The following SMPD3 variants were observed in gnomAD, a reference collection of about 807,000 sequenced individuals.
The protein encoded by SMPD3 is sphingomyelin phosphodiesterase 3, also known as nSMase-2.
In SMPD3, 21 loss-of-function variants were observed where a neutral mutation model predicts 55.7. That is an observed-to-expected ratio of 0.38 (90% CI 0.27 to 0.54). The LOEUF (loss-of-function observed/expected upper bound fraction) is 0.54. Among genes scored for constraint, SMPD3 ranks in the 20% least tolerant of loss-of-function variants. The pLI is 0.80. For missense variants in SMPD3, 842 were observed against 899.6 expected, an observed-to-expected ratio of 0.94 and a Z score of 0.82; for synonymous variants, 457 against 404.3, an observed-to-expected ratio of 1.13 and a Z score of -1.56.
chr16:68,361,822 T>C (rs2089286000), intron 7 of SMPD3, 63 bp from the exon 8 acceptor site: 2 of 1,542,036 alleles, frequency 1.3e-6, no homozygotes, highest in African/African-American at 2.7e-5. Flanking sequence ...TGGCAGGGGC[T>C]GTGTGTGGAG....
intron 3 of SMPD3, among the ~76,000 whole-genome samples, chr16:68,365,551 C>T (rs1597591101): frequency 6.6e-6 from 1 of 152,122 alleles, no homozygotes; most frequent in East Asian, 1.9e-4. Context: ...ATGGCGTGGC[C>T]TCAGAGCCCA....
intron 2 of SMPD3, chr16:68,382,194 G>A (rs1420899039): frequency 1.3e-5 from 2 of 152,278 alleles, no homozygotes; most frequent in South Asian, 2.1e-4. Context: ...TAAATCCACC[G>A]GAAACCTCTG....
Position 68,371,144 on chromosome 16 carries a change from G to A in SMPD3, c.1038C>T (p.Asp346=), listed in dbSNP as rs200934255. 2.9e-5 allele frequency: 46 copies of A among 1,613,740 alleles called. No individual in the cohort carries two copies. Among genetic ancestry groups the A allele is most frequent in the Non-Finnish European group, 3.7e-5 (44 of 1,180,032 alleles). The part of the protein sequence containing the change: ...RRRRHPDEAF[D]HEVSAFFPAN... Reference sequence around the variant, plus strand: ...CGGGGAAGAAGGCGGAGACCTCATGGTCGAAGGCCTCGTCGGGGTGCCGCC... The same window carrying A: ...CGGGGAAGAAGGCGGAGACCTCATGATCGAAGGCCTCGTCGGGGTGCCGCC... The change falls in exon 3 of 9, where the codon GAC becomes GAT. Residue 346 remains aspartate (D), a synonymous_variant. Coordinates refer to ENST00000219334, the MANE Select transcript of SMPD3 (RefSeq NM_018667.4).
At chr16:68,439,446 G>A (rs1022861325) in intron 1 of SMPD3, among the ~76,000 whole-genome samples, 4 of 152,218 alleles carry the variant, frequency 2.6e-5, no homozygotes, top group Non-Finnish European at 4.4e-5. Context: ...GTAGGAAAAT[G>A]TGCATATTAA....
chr16:68,371,486 G>A lies in SMPD3; in HGVS notation c.696C>T (p.Asp232=). The A allele has an allele frequency of 3.1e-6, 5 of 1,598,898 alleles. No individual in the cohort carries two copies. Among genetic ancestry groups the A allele is most frequent in the Non-Finnish European group, 4.2e-6 (5 of 1,179,564 alleles). ...DEAANGPASG[D]PVDSSSPEDA... ...CCTCCGGGCTGCTGCTGTCGACAGG[G>A]TCCCCAGAGGCTGGGCCGTTGGCAG... Residue 232 remains aspartate (D), a synonymous_variant, in exon 3 of 9, where the codon GAC becomes GAT. Transcript: ENST00000219334.
At chr16:68,424,885 T>C (rs1296165356) in intron 1 of SMPD3, among the ~76,000 whole-genome samples, 2 of 152,210 alleles carry the variant, frequency 1.3e-5, no homozygotes, top group African/African-American at 4.8e-5. Context: ...TAATTTTTTG[T>C]ATTTTTGGTA....
intron 1 of SMPD3, among the ~76,000 whole-genome samples, chr16:68,405,545 C>CAA (rs67518521): frequency 1.8e-3 from 128 of 72,882 alleles, no homozygotes; most frequent in African/African-American, 3.7e-3. Flanking sequence ...GACCCTGTCT[C>CAA]AAAAAAAAAA....
chr16:68,372,509 G>C (rs903221769), intron 2 of SMPD3, 122 bp from the exon 3 acceptor site: 1 of 418,194 alleles, frequency 2.4e-6, no homozygotes, highest in Non-Finnish European at 4.4e-6. Flanking sequence ...ACAGTTCTGA[G>C]AACCAGGCTG....
At chr16:68,387,731 T>C (rs1181154528) in intron 1 of SMPD3, among the ~76,000 whole-genome samples, 1 of 152,206 alleles carries the variant, frequency 6.6e-6, no homozygotes, top group African/African-American at 2.4e-5. Flanking sequence ...CCCAAAGCCC[T>C]CTTACCACCC....
Position 68,404,211 on chromosome 16 carries a change from T to A in SMPD3, c.-268-17552A>T, listed in dbSNP as rs2090234772. ...TTTTTTTTTTTTTTTTGAGATGGAG[T>A]TTCGCTCTTGTTGCCCAGGCTGGAC... On this transcript the variant is annotated intron_variant, in intron 1 of 8. Transcript: ENST00000219334. This position sits in a 1 kb window ranked among gnomAD's most constrained non-coding sequence, Gnocchi z 4.0. Among the ~76,000 whole-genome samples the A allele has an allele frequency of 6.8e-6, 1 of 146,632 alleles. No individual in the cohort carries two copies. Among genetic ancestry groups the A allele is most frequent in the African/African-American group, 2.5e-5 (1 of 39,556 alleles).
At chr16:68,401,474 G>A (rs1182762112) in intron 1 of SMPD3, among the ~76,000 whole-genome samples, 1 of 152,060 alleles carries the variant, frequency 6.6e-6, no homozygotes, top group Admixed American at 6.5e-5. Flanking sequence ...GGCAGCAGGG[G>A]CTGGGGCGTA....
At position 68,371,549 on chromosome 16, in the gene SMPD3, C is replaced by T. The variant is rs1197109473; in HGVS notation, c.633G>A (p.Glu211=). Residue 211 remains glutamate (E), a synonymous_variant, in exon 3 of 9, where the codon GAG becomes GAA. Transcript: ENST00000219334. ...PGSIKRTASV[E]YKGDGGRHPG... ...GGTGCCGCCCACCGTCACCCTTGTACTCCACAGAGGCTGTCCTCTTAATGC... is the reference window on the plus strand; with the variant it reads ...GGTGCCGCCCACCGTCACCCTTGTATTCCACAGAGGCTGTCCTCTTAATGC... The T allele has an allele frequency of 1.9e-6, 3 of 1,601,450 alleles. No homozygotes were observed. The highest frequency in any genetic ancestry group is 2.5e-6 in the Non-Finnish European group (3 of 1,177,958).
chr16:68,441,801 T>C (rs765751597), intron 1 of SMPD3, among the ~76,000 whole-genome samples: 18 of 152,238 alleles, frequency 1.2e-4, no homozygotes, highest in Admixed American at 2.0e-4. Context: ...AATCTTGCTC[T>C]GTTGCCCAGG....
chr16:68,391,229 A>G (rs1341728570), intron 1 of SMPD3, among the ~76,000 whole-genome samples: 1 of 152,242 alleles, frequency 6.6e-6, no homozygotes, highest in Non-Finnish European at 1.5e-5. Flanking sequence ...GCAGCAAAAC[A>G]GAGGGCCTGG....
intron 1 of SMPD3, among the ~76,000 whole-genome samples, chr16:68,397,135 C>A (rs536800720): frequency 6.6e-6 from 1 of 152,168 alleles, no homozygotes; most frequent in African/African-American, 2.4e-5. Flanking sequence ...CAAGACTTAT[C>A]TGCAGCCCCA....
intron 1 of SMPD3, among the ~76,000 whole-genome samples, chr16:68,428,223 G>A (rs1381169285): frequency 6.6e-6 from 1 of 152,224 alleles, no homozygotes; most frequent in Non-Finnish European, 1.5e-5. Flanking sequence ...GGCCCTGTGA[G>A]CATCTCCCAA....
At position 68,361,295 on chromosome 16, in the gene SMPD3, A is replaced by C; in HGVS notation, c.1879T>G (p.Phe627Val). Residue 627 changes from phenylalanine (F) to valine (V), a missense_variant, in exon 9 of 9, where the codon TTC becomes GTC. Transcript: ENST00000219334. The part of the protein sequence containing the change: ...CPDWKAEVEE[F>V]SFITQLSGLT... ...CCGGACAGCTGGGTGATAAAACTGAATTCTTCCACCTCCTGGGGTGAGTGG... is the reference window on the plus strand; with the variant it reads ...CCGGACAGCTGGGTGATAAAACTGACTTCTTCCACCTCCTGGGGTGAGTGG... 6.2e-7 allele frequency: 1 copy of C among 1,611,648 alleles called. No individual in the cohort carries two copies. Among genetic ancestry groups the C allele is most frequent in the Non-Finnish European group, 8.5e-7 (1 of 1,179,072 alleles).
chr16:68,440,652 C>A (rs1057011866), intron 1 of SMPD3, among the ~76,000 whole-genome samples: 4 of 152,250 alleles, frequency 2.6e-5, no homozygotes, highest in African/African-American at 9.6e-5. Context: ...CAACCTGCAA[C>A]AGAGTTGGTA....
chr16:68,366,189 C>T (rs1412164757), intron 3 of SMPD3, among the ~76,000 whole-genome samples: 3 of 152,264 alleles, frequency 2.0e-5, no homozygotes, highest in Non-Finnish European at 2.9e-5. Flanking sequence ...GTGGGTGCCC[C>T]ACATCTGTGG....
Sources: allele counts gnomAD v4.1 joint callset (sites outside exome capture counted in the v4.1 genomes callset), GRCh38; gene constraint gnomAD v4.1.1; non-coding constraint Gnocchi (gnomAD v3.1); transcripts MANE v1.5; gene names NCBI Gene and HGNC (gene_info 2026-07-23, HGNC 2026-07-21).